BABAM2: variants seen among roughly 807,000 people sequenced by gnomAD.
The protein encoded by BABAM2 is BRISC and BRCA1 A complex member 2, also known as BRISC and BRCA1-A complex member 2.
In BABAM2, 31 loss-of-function variants were observed where a neutral mutation model predicts 54.7. That is an observed-to-expected ratio of 0.57 (90% CI 0.43 to 0.77). The LOEUF (loss-of-function observed/expected upper bound fraction) is 0.77. BABAM2 is among the 30% of genes least tolerant of loss of function. BABAM2 has a pLI of 0.00. For missense variants in BABAM2, 364 were observed against 455.8 expected (o/e 0.80, Z 1.83); for synonymous variants, 167 against 162.9 (o/e 1.03, Z -0.19).
intron 7 of BABAM2, among the ~76,000 whole-genome samples, chr2:28,146,480 G>A (rs1320376837): frequency 6.6e-6 from 1 of 152,104 alleles, no homozygotes; most frequent in Non-Finnish European, 1.5e-5. Flanking sequence ...AATTGGCACA[G>A]GATTCATATC....
chr2:28,119,899 C>CA (rs1198481603), intron 6 of BABAM2, among the ~76,000 whole-genome samples: 1 of 152,110 alleles, frequency 6.6e-6, no homozygotes, highest in East Asian at 1.9e-4. Context: ...CCTGACCTGA[C>CA]AATCAGTGCT....
chr2:27,890,167 G>A (rs191606675), upstream of BABAM2: 5 of 1,229,546 alleles, frequency 4.1e-6, no homozygotes, highest in East Asian at 1.2e-4. The surrounding 1 kb of genome is among the most constrained non-coding windows in gnomAD (Gnocchi z 4.8). Flanking sequence ...TATCCCTGGA[G>A]ACCCAGCGCC....
intron 2 of BABAM2, among the ~76,000 whole-genome samples, chr2:27,924,512 G>T (rs978568537): frequency 9.9e-5 from 15 of 151,972 alleles, no homozygotes; most frequent in African/African-American, 3.6e-4. Context: ...AGCCTCCCTA[G>T]TAGCTGGGAC....
At chr2:27,982,561 C>G (rs1361781516) in intron 3 of BABAM2, among the ~76,000 whole-genome samples, 3 of 151,076 alleles carry the variant, frequency 2.0e-5, no homozygotes, top group Non-Finnish European at 4.4e-5. Flanking sequence ...TTGCCTGTGG[C>G]TTTCCAGTTG....
intron 3 of BABAM2, among the ~76,000 whole-genome samples, chr2:27,953,053 G>A (rs1669849139): frequency 6.6e-6 from 1 of 152,126 alleles, no homozygotes; most frequent in Admixed American, 6.5e-5. Context: ...ACAAGGTCCT[G>A]CTGTGTCGCT....
chr2:28,093,662 T>C (rs1666352805), intron 6 of BABAM2, among the ~76,000 whole-genome samples: 1 of 152,224 alleles, frequency 6.6e-6, no homozygotes, highest in African/African-American at 2.4e-5. Flanking sequence ...AATTTAGTTT[T>C]GTTATGAATT....
upstream of BABAM2, among the ~76,000 whole-genome samples, chr2:27,889,346 G>A (rs1664649219): frequency 6.6e-6 from 1 of 152,188 alleles, no homozygotes; most frequent in African/African-American, 2.4e-5. Flanking sequence ...CAGGACGAAT[G>A]AGGTGTTACT....
At chr2:28,249,501 A>G (rs1683240303) in intron 10 of BABAM2, among the ~76,000 whole-genome samples, 1 of 152,222 alleles carries the variant, frequency 6.6e-6, no homozygotes, top group African/African-American at 2.4e-5. Flanking sequence ...GACCCTTCAC[A>G]GAAGTTTGCC....
intron 11 of BABAM2, among the ~76,000 whole-genome samples, chr2:28,314,311 C>T (rs1255139713): frequency 2.0e-5 from 3 of 152,142 alleles, no homozygotes; most frequent in Admixed American, 6.5e-5. Context: ...AAGGAAGGGA[C>T]GTATTCAAGG....
chr2:27,966,756 G>T (rs1351647410), intron 3 of BABAM2, among the ~76,000 whole-genome samples: 3 of 152,198 alleles, frequency 2.0e-5, no homozygotes, highest in African/African-American at 7.2e-5. Flanking sequence ...TATGCTTTTT[G>T]TTTGATTAAT....
At chr2:28,012,864 A>G (rs1674496554) in intron 4 of BABAM2, among the ~76,000 whole-genome samples, 1 of 152,194 alleles carries the variant, frequency 6.6e-6, no homozygotes. Flanking sequence ...AATGAGGAAG[A>G]TTAGATCAAG....
intron 11 of BABAM2, among the ~76,000 whole-genome samples, chr2:28,333,886 C>G (rs1432199185): frequency 1.3e-5 from 2 of 152,206 alleles, no homozygotes; most frequent in East Asian, 3.8e-4. Context: ...ATGACAGATA[C>G]CTCTTGCCAT....
At chr2:28,183,416 A>G (rs1356174653) in intron 7 of BABAM2, among the ~76,000 whole-genome samples, 3 of 152,136 alleles carry the variant, frequency 2.0e-5, no homozygotes, top group East Asian at 1.9e-4. Context: ...ACTCCAGCCT[A>G]GGCAACAGAG....
At chr2:28,299,559 C>A (rs1366166406) in intron 11 of BABAM2, among the ~76,000 whole-genome samples, 1 of 152,092 alleles carries the variant, frequency 6.6e-6, no homozygotes, top group Non-Finnish European at 1.5e-5. Context: ...ATCTATTAGG[C>A]CTCCTCTTCA....
intron 7 of BABAM2, among the ~76,000 whole-genome samples, chr2:28,129,957 A>G (rs1048723607): frequency 1.2e-4 from 18 of 152,274 alleles, no homozygotes; most frequent in Admixed American, 8.5e-4. Context: ...ACCAAGTAAC[A>G]TTATTCATCA....
chr2:28,038,371 A>G (rs1676818807), intron 5 of BABAM2, among the ~76,000 whole-genome samples: 1 of 152,100 alleles, frequency 6.6e-6, no homozygotes, highest in Admixed American at 6.6e-5. Context: ...CACAGGTTAT[A>G]ATTTATTTTA....
chr2:28,033,491 A>T (rs1214720313), intron 5 of BABAM2, among the ~76,000 whole-genome samples: 1 of 152,138 alleles, frequency 6.6e-6, no homozygotes, highest in African/African-American at 2.4e-5. Flanking sequence ...AAGGCATCAC[A>T]TGGCGAGAGG....
intron 5 of BABAM2, among the ~76,000 whole-genome samples, chr2:28,032,766 C>T (rs1676393193): frequency 6.6e-6 from 1 of 152,118 alleles, no homozygotes; most frequent in Non-Finnish European, 1.5e-5. Flanking sequence ...TTTCTGCCTG[C>T]ATGCTCGGAG....
At chr2:28,292,653 T>C (rs1488004207) in intron 10 of BABAM2, among the ~76,000 whole-genome samples, 1 of 152,122 alleles carries the variant, frequency 6.6e-6, no homozygotes, top group African/African-American at 2.4e-5. Flanking sequence ...ACTCCAAGCC[T>C]CAAGACCTCA....
Sources: allele counts gnomAD v4.1 joint callset (sites outside exome capture counted in the v4.1 genomes callset), GRCh38; gene constraint gnomAD v4.1.1; non-coding constraint Gnocchi (gnomAD v3.1); transcripts MANE v1.5; gene names NCBI Gene and HGNC (gene_info 2026-07-23, HGNC 2026-07-21).